The following EPB41L3 variants were observed in gnomAD, a reference collection of about 807,000 sequenced individuals.
EPB41L3 encodes the protein band 4.1-like protein 3.
In EPB41L3, 57 loss-of-function variants were observed where a neutral mutation model predicts 127.1. The observed-to-expected ratio is 0.45, with a 90% confidence interval of 0.36 to 0.56. The LOEUF is 0.56. EPB41L3 is among the 20% of genes least tolerant of loss of function. EPB41L3 has a pLI of 0.00. For missense variants in EPB41L3, 1,273 were observed against 1,372.2 expected, an observed-to-expected ratio of 0.93 and a Z score of 1.14; for synonymous variants, 572 against 549.5, an observed-to-expected ratio of 1.04 and a Z score of -0.57.
chr18:5,555,274 G>T (rs2094018125), intron 3 of EPB41L3, among the ~76,000 whole-genome samples: 1 of 152,096 alleles, frequency 6.6e-6, no homozygotes. Context: ...TCTGGAGAGG[G>T]CATTCATGTG....
intron 3 of EPB41L3, among the ~76,000 whole-genome samples, chr18:5,565,255 T>C (rs1434716435): frequency 6.7e-6 from 1 of 149,020 alleles, no homozygotes; most frequent in East Asian, 2.0e-4. Context: ...AAAAAATACA[T>C]ACAAAACTTA....
intron 9 of EPB41L3, among the ~76,000 whole-genome samples, chr18:5,426,300 CT>C (rs1568114670): frequency 6.6e-6 from 1 of 152,168 alleles, no homozygotes; most frequent in African/African-American, 2.4e-5. Context: ...AATTTTCCCC[CT>C]TTTCCCTCCT....
intron 1 of EPB41L3, among the ~76,000 whole-genome samples, chr18:5,495,818 TA>T (rs1219785001): frequency 6.6e-6 from 1 of 152,248 alleles, no homozygotes; most frequent in Non-Finnish European, 1.5e-5. Flanking sequence ...CTTTCTGTTC[TA>T]AAATTCCAAA....
At chr18:5,548,138 C>T (rs2093911295), upstream of EPB41L3, among the ~76,000 whole-genome samples, 1 of 152,162 alleles carries the variant, frequency 6.6e-6, no homozygotes, top group Non-Finnish European at 1.5e-5. Context: ...AATTGCATAT[C>T]AAGTTCTTGA....
chr18:5,445,430 G>A (rs559978991), intron 3 of EPB41L3, among the ~76,000 whole-genome samples, 186 bp from the exon 4 acceptor site: 16 of 152,288 alleles, frequency 1.1e-4, no homozygotes, highest in South Asian at 2.1e-4. Flanking sequence ...AGGGGAGGGC[G>A]AAGGCTTCAA....
At chr18:5,412,032 A>C (rs2076262200) in intron 13 of EPB41L3, among the ~76,000 whole-genome samples, 1 of 152,110 alleles carries the variant, frequency 6.6e-6, no homozygotes, top group Non-Finnish European at 1.5e-5. Context: ...GGTGGCTGTT[A>C]ATTTTCATAT....
chr18:5,436,627 C>T (rs1168807879), intron 6 of EPB41L3, among the ~76,000 whole-genome samples: 1 of 151,964 alleles, frequency 6.6e-6, no homozygotes, highest in East Asian at 1.9e-4. Context: ...CCAGGATGGT[C>T]TTGATCTCCT....
chr18:5,620,392 C>T (rs2094847108), intron 1 of EPB41L3, among the ~76,000 whole-genome samples: 1 of 152,178 alleles, frequency 6.6e-6, no homozygotes, highest in Admixed American at 6.5e-5. Context: ...AGAGTATACT[C>T]ATCTATTAAA....
intron 1 of EPB41L3, among the ~76,000 whole-genome samples, chr18:5,499,829 G>GTGTGTGTGTATATATATA (rs563662904): frequency 2.4e-5 from 3 of 124,614 alleles, no homozygotes; most frequent in African/African-American, 9.3e-5. Flanking sequence ...CTATGTGTGT[G>GTGTGTGTGTATATATATA]TATATATATA....
At chr18:5,506,711 A>T (rs2092231255) in intron 1 of EPB41L3, among the ~76,000 whole-genome samples, 1 of 152,152 alleles carries the variant, frequency 6.6e-6, no homozygotes, top group Non-Finnish European at 1.5e-5. Flanking sequence ...AGTGCATGGC[A>T]TGTAGTGGGT....
At chr18:5,514,742 T>TA (rs1173533555) in intron 1 of EPB41L3, among the ~76,000 whole-genome samples, 6 of 152,008 alleles carry the variant, frequency 3.9e-5, no homozygotes, top group South Asian at 2.1e-4. Flanking sequence ...GCTGGAGGTT[T>TA]AAAAAAAATA....
intron 2 of EPB41L3, among the ~76,000 whole-genome samples, chr18:5,612,713 G>A (rs1209740531): frequency 2.0e-5 from 3 of 152,210 alleles, no homozygotes; most frequent in African/African-American, 7.2e-5. Flanking sequence ...TGTCATGGAG[G>A]TAAGCATAAA....
intron 5 of EPB41L3, among the ~76,000 whole-genome samples, chr18:5,440,851 A>AT (rs1467350328): frequency 1.3e-5 from 2 of 152,222 alleles, no homozygotes; most frequent in East Asian, 1.9e-4. Flanking sequence ...TGGAATAAGA[A>AT]TTTTTTTCAT....
chr18:5,597,803 C>T (rs2094551257), intron 3 of EPB41L3, among the ~76,000 whole-genome samples: 1 of 152,114 alleles, frequency 6.6e-6, no homozygotes, highest in African/African-American at 2.4e-5. Flanking sequence ...CTCCTAGACA[C>T]CCCCAAGTGG....
intron 3 of EPB41L3, among the ~76,000 whole-genome samples, chr18:5,576,220 A>C (rs776720595): frequency 3.9e-5 from 6 of 152,236 alleles, no homozygotes; most frequent in African/African-American, 7.2e-5. Flanking sequence ...AGAAAATGTA[A>C]TATGCTATAA....
intron 3 of EPB41L3, among the ~76,000 whole-genome samples, chr18:5,609,292 C>G (rs1016118168): frequency 1.3e-5 from 2 of 152,166 alleles, no homozygotes; most frequent in Non-Finnish European, 2.9e-5. Flanking sequence ...CCTAGACCAG[C>G]CTCTTTATAA....
chr18:5,533,198 G>C (rs150451792), intron 1 of EPB41L3, among the ~76,000 whole-genome samples: 1 of 152,162 alleles, frequency 6.6e-6, no homozygotes, highest in Admixed American at 6.5e-5. Context: ...TGTCGGGCTT[G>C]CTGCCTCTTT....
intron 6 of EPB41L3, among the ~76,000 whole-genome samples, chr18:5,436,204 C>T (rs146317018): frequency 0.012 from 1,882 of 152,062 alleles, 20 homozygotes; most frequent in Middle Eastern, 0.051. Flanking sequence ...CACCTGGTAC[C>T]TTGTATATAA....
intron 1 of EPB41L3, among the ~76,000 whole-genome samples, chr18:5,510,567 T>C (rs1178803340): frequency 2.0e-5 from 3 of 152,170 alleles, no homozygotes; most frequent in Admixed American, 2.0e-4. Context: ...CAGTGGGGTA[T>C]GTATGGGAAC....
Sources: allele counts gnomAD v4.1 joint callset (sites outside exome capture counted in the v4.1 genomes callset), GRCh38; gene constraint gnomAD v4.1.1; transcripts MANE v1.5; gene names NCBI Gene and HGNC (gene_info 2026-07-23, HGNC 2026-07-21).